Variants in SMARCA1 observed in about 807,000 individuals in gnomAD.
SMARCA1 encodes SWI/SNF-related matrix-associated actin-dependent regulator of chromatin subfamily A member 1.
In SMARCA1, 17 loss-of-function variants were observed where a neutral mutation model predicts 93.6. The observed-to-expected ratio is 0.18, with a 90% CI of 0.12 to 0.27. SMARCA1 has a LOEUF of 0.27. Among genes scored for constraint, SMARCA1 ranks in the 10% least tolerant of loss-of-function variants. The pLI is 1.00. For missense variants in SMARCA1, 630 were observed against 819.0 expected (o/e 0.77, Z 2.82); for synonymous variants, 271 against 271.4 (o/e 1.00, Z 0.01).
intron 9 of SMARCA1, among the ~76,000 whole-genome samples, chrX:129,503,735 G>A (rs902124794): frequency 3.6e-5 from 4 of 111,389 alleles, no homozygotes; most frequent in Non-Finnish European, 7.5e-5. Flanking sequence ...AGGCCAAGAT[G>A]GGTGGATCAT....
At chrX:129,506,531 CA>C (rs1339272516) in intron 7 of SMARCA1, among the ~76,000 whole-genome samples, 1 of 106,093 alleles carries the variant, frequency 9.4e-6, no homozygotes. Flanking sequence ...ACTAAAAATA[CA>C]AAAAAAAATT....
intron 23 of SMARCA1, among the ~76,000 whole-genome samples, chrX:129,458,213 G>C (rs909702090): frequency 3.6e-5 from 4 of 112,029 alleles, no homozygotes; most frequent in Admixed American, 1.9e-4. Flanking sequence ...TGTGAATTTT[G>C]TATCATTTTC....
intron 17 of SMARCA1, among the ~76,000 whole-genome samples, chrX:129,484,634 T>C (rs1484034261): frequency 8.9e-6 from 1 of 111,898 alleles, no homozygotes; most frequent in Non-Finnish European, 1.9e-5. Flanking sequence ...ACAAAATATA[T>C]AAAGATAGAA....
intron 19 of SMARCA1, among the ~76,000 whole-genome samples, chrX:129,472,252 T>C (rs1030636499): frequency 1.8e-5 from 2 of 111,729 alleles, no homozygotes; most frequent in South Asian, 7.6e-4. Flanking sequence ...AGCACATTGA[T>C]TTAAGAGGGC....
chrX:129,522,800 G>A (rs1935451051), intron 1 of SMARCA1, among the ~76,000 whole-genome samples: 1 of 112,088 alleles, frequency 8.9e-6, no homozygotes, highest in South Asian at 3.7e-4. Flanking sequence ...CCGACGGGAA[G>A]GCGGGGGGAG....
intron 12 of SMARCA1, among the ~76,000 whole-genome samples, chrX:129,494,344 C>T (rs1306300518): frequency 2.7e-5 from 3 of 111,699 alleles, no homozygotes; most frequent in East Asian, 2.8e-4. Flanking sequence ...AGCTCAGTAA[C>T]GCTTCAAGTT....
chrX:129,447,423 G>A, intron 24 of SMARCA1, 190 bp from the exon 25 acceptor site: 1 of 354,060 alleles, frequency 2.8e-6, no homozygotes, highest in Non-Finnish European at 4.6e-6. Flanking sequence ...AACCTTCAAA[G>A]ATGTTTCTTT....
chrX:129,516,024 T>G (rs1935185546), intron 3 of SMARCA1, 30 bp from the exon 4 acceptor site: 2 of 1,032,850 alleles, frequency 1.9e-6, no homozygotes, highest in Non-Finnish European at 2.7e-6. Context: ...TCCCTTCATA[T>G]TCGACCTAAA....
rs928717096 is a variant in SMARCA1, at chrX:129,488,878, C to T, written c.2097+59G>A. 8.6e-5 allele frequency: 63 copies of T among 728,537 alleles called. No homozygotes were observed. The African/African-American group carries it at 1.1e-3, about 13-fold the overall frequency. The allele number at this position is 728,537 out of a possible 1,213,427, so 60.0% of individuals were successfully genotyped here. A position where few individuals can be genotyped will look rare whatever the true frequency, so the allele number is the denominator to read the frequency against. On this transcript the variant is annotated intron_variant, in intron 16 of 24. Coordinates refer to ENST00000371121, the MANE Select transcript of SMARCA1 (RefSeq NM_001282874.2). The stretch of plus-strand genomic sequence containing the variant: ...CATGTACAATGAAAATATAAGTATG[C>T]TGAAGTATGTTGATATTAAAACAAT...
At chrX:129,494,053 G>GC (rs1244289819) in intron 12 of SMARCA1, among the ~76,000 whole-genome samples, 1 of 112,250 alleles carries the variant, frequency 8.9e-6, no homozygotes, top group Non-Finnish European at 1.9e-5. Flanking sequence ...GAAAGGAACA[G>GC]CTCTGACTTT....
chrX:129,479,737 G>A (rs192618363), intron 19 of SMARCA1, among the ~76,000 whole-genome samples: 199 of 103,840 alleles, frequency 1.9e-3, no homozygotes, highest in Non-Finnish European at 3.4e-3. Context: ...TCCCTCTGTC[G>A]CCCAGGCTGG....
intron 9 of SMARCA1, among the ~76,000 whole-genome samples, chrX:129,504,034 T>C (rs1044566320): frequency 5.6e-5 from 6 of 107,061 alleles, no homozygotes; most frequent in African/African-American, 2.1e-4. Flanking sequence ...TCCCAGCACT[T>C]TGGGAGGCCC....
intron 9 of SMARCA1, among the ~76,000 whole-genome samples, chrX:129,503,191 G>GA (rs778560622): frequency 3.6e-4 from 40 of 112,326 alleles, no homozygotes; most frequent in Middle Eastern, 4.6e-3. Flanking sequence ...TAGGAAACAG[G>GA]AAAGAAGACT....
intron 19 of SMARCA1, among the ~76,000 whole-genome samples, chrX:129,476,582 C>T (rs941363873): frequency 9.0e-6 from 1 of 111,520 alleles, no homozygotes; most frequent in Admixed American, 9.5e-5. Context: ...CTATGGGCAT[C>T]ACCTATCTCC....
At chrX:129,494,311 A>G (rs1273996681) in intron 12 of SMARCA1, among the ~76,000 whole-genome samples, 2 of 111,651 alleles carry the variant, frequency 1.8e-5, no homozygotes, top group African/African-American at 3.3e-5. Context: ...AGGGAAACCA[A>G]TCCTCAGGAA....
In SMARCA1 at chrX:129,468,871, T is replaced by A. The variant is rs1271575906; in HGVS notation, c.2600A>T (p.Gln867Leu). ...ATATTTCTCATTAGCTTTAATAAAC[T>A]GGTTAAAATCTCGTTTAGTCCAGTT... ...FTNWTKRDFN[Q>L]FIKANEKYGR... is the part of the protein sequence containing the mutation. Residue 867 changes from glutamine to leucine, a missense_variant, in exon 21 of 25, where the codon CAG (glutamine) becomes CTG (leucine). Transcript: ENST00000371121. 1 of 1,194,391 alleles carries A rather than the reference T, an allele frequency of 8.4e-7. No homozygotes were observed.
At chrX:129,468,717 G>A in intron 21 of SMARCA1, 56 bp downstream of exon 21, 4 of 891,226 alleles carry the variant, frequency 4.5e-6, no homozygotes, top group Non-Finnish European at 6.3e-6. Context: ...TTAAATTGAT[G>A]CTAAATAAAT....
At chrX:129,450,554 A>G (rs1932238541) in intron 23 of SMARCA1, among the ~76,000 whole-genome samples, 1 of 112,105 alleles carries the variant, frequency 8.9e-6, no homozygotes, top group Admixed American at 9.5e-5. Flanking sequence ...CCAGAAATGT[A>G]TTGTAAGGAA....
At chrX:129,522,383 G>A (rs1218197283) in intron 1 of SMARCA1, among the ~76,000 whole-genome samples, 2 of 110,520 alleles carry the variant, frequency 1.8e-5, no homozygotes, top group Non-Finnish European at 3.8e-5. Context: ...GGAGGCGGAA[G>A]CCTGGAAAGC....
Sources: gnomAD v4.1 joint callset for allele counts (sites outside exome capture counted in the v4.1 genomes callset) on GRCh38, gnomAD v4.1.1 for gene constraint, MANE v1.5 for transcripts, NCBI Gene and HGNC (gene_info 2026-07-23, HGNC 2026-07-21) for gene names.